Variants in ZC4H2 observed in about 807,000 individuals in gnomAD.
ZC4H2 encodes the protein zinc finger C4H2-type containing, also known as zinc finger C4H2 domain-containing protein.
For missense variants in ZC4H2, 137 were observed against 173.9 expected (o/e 0.79, Z 1.19); for synonymous variants, 84 against 66.3 (o/e 1.27, Z -1.30).
chrX:64,955,473 A>G (rs1308693775), intron 1 of ZC4H2, among the ~76,000 whole-genome samples: 1 of 111,468 alleles, frequency 9.0e-6, no homozygotes, highest in Non-Finnish European at 1.9e-5. Flanking sequence ...TTTGCCATCC[A>G]CACTACAGCA....
chrX:64,950,420 G>A (rs778856489), intron 1 of ZC4H2, among the ~76,000 whole-genome samples: 17 of 111,239 alleles, frequency 1.5e-4, no homozygotes, highest in Admixed American at 2.9e-4. Context: ...TTTCTGTCTC[G>A]TTGATCTGTC....
chrX:64,969,034 T>G lies in ZC4H2; in HGVS notation c.53+7291A>C, dbSNP rs183290039. Among the ~76,000 whole-genome samples, 573 of 111,765 alleles carry G rather than the reference T, an allele frequency of 5.1e-3. 2 individuals are homozygous for G. Among genetic ancestry groups the G allele is most frequent in the African/African-American group, 0.017 (531 of 30,738 alleles). On this transcript the variant is annotated intron_variant, in intron 1 of 4. Coordinates refer to ENST00000374839, the MANE Select transcript of ZC4H2 (RefSeq NM_018684.4). ...GGGTCTAAACTCATTCCAAGTCATT[T>G]TCTAAGGCACTAATCCATTCATAAT...
chrX:64,965,116 C>A (rs1299267239), intron 1 of ZC4H2, among the ~76,000 whole-genome samples: 1 of 111,742 alleles, frequency 8.9e-6, no homozygotes, highest in Admixed American at 9.5e-5. Flanking sequence ...ACAAACTAAT[C>A]TACAGATCCA....
chrX:64,968,911 G>T (rs1238507026), intron 1 of ZC4H2, among the ~76,000 whole-genome samples: 1 of 111,741 alleles, frequency 8.9e-6, no homozygotes, highest in Non-Finnish European at 1.9e-5. Context: ...CTGGTGAGGG[G>T]CTTGGTCTCT....
chrX:65,013,836 T>G (rs891231296), intron 1 of ZC4H2, among the ~76,000 whole-genome samples: 1 of 111,066 alleles, frequency 9.0e-6, no homozygotes, highest in Non-Finnish European at 1.9e-5. Context: ...CTGCTAGATT[T>G]TAGGGGTAAT....
intron 1 of ZC4H2, among the ~76,000 whole-genome samples, chrX:64,928,632 C>CCTCCTTCTTCTTCTT (rs1457350435): frequency 3.6e-5 from 3 of 83,340 alleles, no homozygotes; most frequent in African/African-American, 9.8e-5. Context: ...CCTGCTTTCT[C>CCTCCTTCTTCTTCTT]CTTCTTCTTC....
In ZC4H2 at chrX:64,957,555, T is replaced by C. The variant is rs183125097; in HGVS notation, c.53+18770A>G. On this transcript the variant is annotated intron_variant, in intron 1 of 4. Transcript: ENST00000374839. ...TTTATTTATTTTTACTTTTTGGACT[T>C]TTTGGTTAAACATAAAGATACAGGC... Among the ~76,000 whole-genome samples, 295 of 111,666 alleles carry C rather than the reference T, an allele frequency of 2.6e-3. 3 individuals are homozygous for C. Among genetic ancestry groups the C allele is most frequent in the Non-Finnish European group, 5.8e-4 (31 of 53,199 alleles).
At chrX:64,952,073 CTTGT>C (rs1461249305) in intron 1 of ZC4H2, among the ~76,000 whole-genome samples, 1 of 110,849 alleles carries the variant, frequency 9.0e-6, no homozygotes, top group Non-Finnish European at 1.9e-5. Flanking sequence ...TTCCCCATTG[CTTGT>C]TTTTCTCAGG....
At chrX:64,945,715 A>G (rs768601469) in intron 1 of ZC4H2, among the ~76,000 whole-genome samples, 1 of 111,232 alleles carries the variant, frequency 9.0e-6, no homozygotes, top group Non-Finnish European at 1.9e-5. Flanking sequence ...TGTCCCAGGG[A>G]TGGGAGTTCC....
At chrX:64,945,392 T>TG (rs1480479424) in intron 1 of ZC4H2, among the ~76,000 whole-genome samples, 2 of 111,819 alleles carry the variant, frequency 1.8e-5, no homozygotes, top group Non-Finnish European at 3.8e-5. Context: ...CCTATTAGCC[T>TG]GGGTATCACC....
chrX:64,976,890 TG>T (rs1170143528), upstream of ZC4H2, among the ~76,000 whole-genome samples: 2 of 88,299 alleles, frequency 2.3e-5, no homozygotes, highest in African/African-American at 8.7e-5. Flanking sequence ...TGCTAGCTGC[TG>T]CCTGGGGACC....
intron 1 of ZC4H2, among the ~76,000 whole-genome samples, chrX:64,930,697 G>C (rs548585756): frequency 1.8e-5 from 2 of 112,077 alleles, no homozygotes; most frequent in East Asian, 2.8e-4. Flanking sequence ...AACTATACCT[G>C]CATCCCTATG....
At chrX:64,940,514 C>A (rs754722451) in intron 1 of ZC4H2, among the ~76,000 whole-genome samples, 34 of 108,859 alleles carry the variant, frequency 3.1e-4, no homozygotes, top group Non-Finnish European at 6.2e-4. Context: ...CCTGGGTTTT[C>A]TTTTTTATGA....
intron 1 of ZC4H2, among the ~76,000 whole-genome samples, chrX:65,002,789 G>A (rs1368299443): frequency 9.1e-6 from 1 of 109,913 alleles, no homozygotes; most frequent in Non-Finnish European, 1.9e-5. Flanking sequence ...AACATGTGCT[G>A]TGTCCACTCA....
chrX:65,023,399 T>C (rs1057211591), intron 1 of ZC4H2, among the ~76,000 whole-genome samples: 4 of 111,724 alleles, frequency 3.6e-5, no homozygotes, highest in African/African-American at 1.3e-4. Flanking sequence ...CTATGTTAAA[T>C]AGGAGTGGTG....
intron 1 of ZC4H2, among the ~76,000 whole-genome samples, chrX:64,924,986 T>C (rs1051847142): frequency 9.0e-6 from 1 of 111,357 alleles, no homozygotes; most frequent in African/African-American, 3.3e-5. Flanking sequence ...GGCTTCCTCA[T>C]CAGTAACACA....
chrX:65,021,061 C>T (rs1358214227), intron 1 of ZC4H2, among the ~76,000 whole-genome samples: 2 of 110,277 alleles, frequency 1.8e-5, no homozygotes, highest in African/African-American at 6.7e-5. Flanking sequence ...ACTTAGATTC[C>T]CACACAATAA....
intron 1 of ZC4H2, among the ~76,000 whole-genome samples, chrX:65,026,769 A>G (rs1932883996): frequency 2.7e-5 from 3 of 111,678 alleles, no homozygotes; most frequent in African/African-American, 9.8e-5. Flanking sequence ...GAACCCAAAA[A>G]CAGGAAGGCA....
At chrX:64,981,569 A>G (rs905218684) in intron 1 of ZC4H2, among the ~76,000 whole-genome samples, 1 of 111,189 alleles carries the variant, frequency 9.0e-6, no homozygotes, top group African/African-American at 3.3e-5. Context: ...GGCTTCAGTA[A>G]TAAGGTCAGT....
Sources: allele counts gnomAD v4.1 joint callset (sites outside exome capture counted in the v4.1 genomes callset), GRCh38; gene constraint gnomAD v4.1.1; transcripts MANE v1.5; gene names NCBI Gene and HGNC (gene_info 2026-07-23, HGNC 2026-07-21).